Variants in ANKRD44 observed in about 807,000 individuals in gnomAD.
The protein encoded by ANKRD44 is serine/threonine-protein phosphatase 6 regulatory ankyrin repeat subunit B.
Under a neutral mutation model 116.0 loss-of-function variants are expected in ANKRD44, and 35 were observed. The observed-to-expected ratio is 0.30, with a 90% confidence interval of 0.23 to 0.40. The LOEUF (loss-of-function observed/expected upper bound fraction) is 0.40, where lower values mean the gene tolerates loss of function less well. Among genes scored for constraint, ANKRD44 ranks in the 10% least tolerant of loss-of-function variants. The probability of loss-of-function intolerance (pLI) is 1.00; values close to 1 mark genes in which losing one functional copy is unlikely to be tolerated. For synonymous variants in ANKRD44, 435 were observed against 461.8 expected, an observed-to-expected ratio of 0.94 and a Z score of 0.74; for missense variants, 1,014 against 1,242.6, an observed-to-expected ratio of 0.82 and a Z score of 2.77.
At chr2:196,996,019 T>C (rs1242158413) in intron 25 of ANKRD44, among the ~76,000 whole-genome samples, 2 of 152,248 alleles carry the variant, frequency 1.3e-5, no homozygotes, top group African/African-American at 4.8e-5. Context: ...CTTATGAAGA[T>C]AGATGGTTAA....
intron 1 of ANKRD44, among the ~76,000 whole-genome samples, chr2:197,261,052 C>A (rs1415657914): frequency 6.6e-6 from 1 of 151,716 alleles, no homozygotes; most frequent in South Asian, 2.1e-4. Context: ...ATGGTAGTTT[C>A]TTTTGCTGTG....
intron 18 of ANKRD44, among the ~76,000 whole-genome samples, chr2:197,009,600 C>T (rs552067669): frequency 1.1e-4 from 17 of 152,190 alleles, no homozygotes; most frequent in African/African-American, 3.9e-4. Context: ...AACTTCTGGG[C>T]TCAAGCAATC....
chr2:197,031,260 C>T (rs1254706498), intron 16 of ANKRD44, among the ~76,000 whole-genome samples: 4 of 151,600 alleles, frequency 2.6e-5, no homozygotes, highest in Admixed American at 2.6e-4. Flanking sequence ...AAGTTTAACA[C>T]AATAACCTAA....
intron 1 of ANKRD44, among the ~76,000 whole-genome samples, chr2:197,242,707 G>A (rs2082115296): frequency 6.6e-6 from 1 of 152,114 alleles, no homozygotes; most frequent in African/African-American, 2.4e-5. Context: ...TGGTTAACAG[G>A]ACACTCTAGT....
rs569227272 is a variant in ANKRD44, at chr2:197,224,195, G to T, written c.28-37089C>A. On this transcript the variant is annotated intron_variant, in intron 1 of 27. Coordinates refer to ENST00000282272, the MANE Select transcript of ANKRD44 (RefSeq NM_001195144.2). ...GCACCACCACCACATGGCACTGATG[G>T]AAGTGGCCCTCCATGGCTCAAATTG... Among the ~76,000 whole-genome samples, 277 of 152,258 alleles carry T rather than the reference G, an allele frequency of 1.8e-3. 2 individuals carry two copies. Among genetic ancestry groups the T allele is most frequent in the African/African-American group, 6.1e-3 (254 of 41,554 alleles).
intron 3 of ANKRD44, among the ~76,000 whole-genome samples, chr2:197,145,406 T>C (rs919000002): frequency 6.6e-6 from 1 of 152,202 alleles, no homozygotes; most frequent in African/African-American, 2.4e-5. Context: ...CCTCCACTGA[T>C]TCTGCCTACA....
chr2:197,074,617 GCACAT>G (rs1443061884), intron 16 of ANKRD44, among the ~76,000 whole-genome samples: 4 of 152,094 alleles, frequency 2.6e-5, no homozygotes, highest in African/African-American at 9.7e-5. Context: ...GACTACAGGT[GCACAT>G]CACATCACCA....
chr2:197,143,813 A>G (rs2079433120), intron 3 of ANKRD44, among the ~76,000 whole-genome samples: 1 of 152,124 alleles, frequency 6.6e-6, no homozygotes, highest in Admixed American at 6.6e-5. Flanking sequence ...TAATTTTAGT[A>G]GAGATGGGTT....
At position 197,197,809 on chromosome 2, in the gene ANKRD44, C is replaced by CAAA. The variant is rs199994103; in HGVS notation, c.28-10706_28-10704dup. Among the ~76,000 whole-genome samples the CAAA allele has an allele frequency of 6.6e-4, 75 of 114,162 alleles. 1 individual carries two copies. The highest frequency in any genetic ancestry group is 5.2e-3 in the Middle Eastern group (1 of 194). 74.9% of individuals were successfully genotyped at this position (114,162 alleles called of 152,430 possible). A position where few individuals can be genotyped will look rare whatever the true frequency, so the allele number is the denominator to read the frequency against. ...TGGGTGACAGAGTGAAATCCTGTCT[C>CAAA]AAAAAAAAAAAAAAAAAAAAAGAAA... On this transcript the variant is annotated intron_variant, in intron 1 of 27. Coordinates refer to ENST00000282272, the MANE Select transcript of ANKRD44 (RefSeq NM_001195144.2).
At chr2:197,032,525 A>C (rs1023814372) in intron 16 of ANKRD44, among the ~76,000 whole-genome samples, 6 of 151,748 alleles carry the variant, frequency 4.0e-5, no homozygotes, top group African/African-American at 1.5e-4. Flanking sequence ...AGTAGCTGGG[A>C]CTACAGGCAC....
chr2:197,258,270 CTTTTTTTTTTTTTT>C (rs71395680), intron 1 of ANKRD44, among the ~76,000 whole-genome samples: 1 of 79,222 alleles, frequency 1.3e-5, no homozygotes, highest in African/African-American at 6.2e-5. Context: ...TTGGCTAATC[CTTTTTTTTTTTTTT>C]TTTTTTTTTT....
In ANKRD44 at chr2:197,164,076, G is replaced by A. The variant is rs533398000; in HGVS notation, c.112-16971C>T. ...TCCCTCAAGAATTTCCCAGAAGGAT[G>A]GACTTTCCTAAGAGGCTGCGGTGTG... On this transcript the variant is annotated intron_variant, in intron 2 of 27. Transcript: ENST00000282272. Among the ~76,000 whole-genome samples, 24 of 152,332 alleles carry A rather than the reference G, an allele frequency of 1.6e-4. No individual in the cohort carries two copies. The South Asian group carries it at 4.8e-3, about 30-fold the overall frequency.
intron 1 of ANKRD44, among the ~76,000 whole-genome samples, chr2:197,208,522 G>A (rs2081257316): frequency 6.6e-6 from 1 of 152,142 alleles, no homozygotes; most frequent in South Asian, 2.1e-4. Context: ...GCCAGAAGCA[G>A]TGTGGCTCAC....
chr2:197,267,184 A>C (rs2082763869), intron 1 of ANKRD44, among the ~76,000 whole-genome samples: 1 of 152,194 alleles, frequency 6.6e-6, no homozygotes, highest in African/African-American at 2.4e-5. Flanking sequence ...ATCTTGAGAA[A>C]ATTATAAGGA....
In ANKRD44 at chr2:197,121,656, A is replaced by G. The variant is rs533743744; in HGVS notation, c.694-112T>C. Reference sequence around the variant, plus strand: ...AGAAAGGAAATAGCCATCCGCCAATATAATTGTTCAGAGCTTACTCTTGCC... The same window carrying G: ...AGAAAGGAAATAGCCATCCGCCAATGTAATTGTTCAGAGCTTACTCTTGCC... On this transcript the variant is annotated intron_variant, in intron 7 of 27. Transcript: ENST00000282272. 2.1e-4 allele frequency: 186 copies of G among 900,616 alleles called. 1 individual carries two copies. Among genetic ancestry groups the G allele is most frequent in the Admixed American group, 1.4e-3 (67 of 47,388 alleles). 55.8% of individuals were successfully genotyped at this position (900,616 alleles called of 1,614,324 possible).
chr2:197,079,955 A>G (rs2077756532), intron 15 of ANKRD44, among the ~76,000 whole-genome samples: 1 of 152,208 alleles, frequency 6.6e-6, no homozygotes, highest in Non-Finnish European at 1.5e-5. Context: ...GTCAATAATA[A>G]ATCAAACTAT....
chr2:197,090,360 GTCTCATTC>G (rs1157207581), intron 10 of ANKRD44, among the ~76,000 whole-genome samples: 5 of 152,128 alleles, frequency 3.3e-5, no homozygotes, highest in Non-Finnish European at 7.3e-5. Context: ...GTGATTGTAT[GTCTCATTC>G]TCTCATTCAT....
intron 1 of ANKRD44, among the ~76,000 whole-genome samples, chr2:197,207,067 A>G (rs1482816323): frequency 6.6e-6 from 1 of 152,188 alleles, no homozygotes; most frequent in Non-Finnish European, 1.5e-5. Flanking sequence ...ATTCTCAAAA[A>G]CTTACTAAAT....
At chr2:197,050,645 A>G (rs1395361193) in intron 16 of ANKRD44, among the ~76,000 whole-genome samples, 1 of 150,762 alleles carries the variant, frequency 6.6e-6, no homozygotes, top group Non-Finnish European at 1.5e-5. Context: ...CTGGTCTTGA[A>G]CTCCTGACCT....
Sources: allele counts gnomAD v4.1 joint callset (sites outside exome capture counted in the v4.1 genomes callset), GRCh38; gene constraint gnomAD v4.1.1; transcripts MANE v1.5; gene names NCBI Gene and HGNC (gene_info 2026-07-23, HGNC 2026-07-21).